Variants in GALNTL6 observed in about 807,000 individuals in gnomAD.
GALNTL6 encodes the protein polypeptide N-acetylgalactosaminyltransferase-like 6.
In GALNTL6, 46 loss-of-function variants were observed where a neutral mutation model predicts 73.7. That is an observed-to-expected ratio of 0.62 (90% CI 0.49 to 0.80). The LOEUF (loss-of-function observed/expected upper bound fraction) is 0.80. GALNTL6 is among the 30% of genes least tolerant of loss of function. GALNTL6 has a pLI of 0.00. For synonymous variants in GALNTL6, 259 were observed against 263.7 expected (o/e 0.98, Z 0.17); for missense variants, 604 against 755.0 (o/e 0.80, Z 2.34).
chr4:172,651,780 C>A (rs541191263), intron 5 of GALNTL6, among the ~76,000 whole-genome samples: 77 of 152,278 alleles, frequency 5.1e-4, no homozygotes, highest in African/African-American at 1.8e-3. Flanking sequence ...AGCTACAACA[C>A]AGAAAGTAAA....
At chr4:172,135,064 AT>A (rs1470655514) in intron 2 of GALNTL6, among the ~76,000 whole-genome samples, 1 of 152,156 alleles carries the variant, frequency 6.6e-6, no homozygotes, top group Non-Finnish European at 1.5e-5. Flanking sequence ...ACTCTTTCAA[AT>A]TTACCATCCA....
At chr4:171,909,909 C>T (rs1446877880) in intron 2 of GALNTL6, among the ~76,000 whole-genome samples, 4 of 152,002 alleles carry the variant, frequency 2.6e-5, no homozygotes, top group South Asian at 2.1e-4. Flanking sequence ...AGACAAACAA[C>T]GTGACTATTT....
chr4:171,928,721 CA>C (rs964733563), intron 2 of GALNTL6, among the ~76,000 whole-genome samples: 88 of 152,296 alleles, frequency 5.8e-4, no homozygotes, highest in African/African-American at 1.9e-3. Flanking sequence ...TAGGTTTAGA[CA>C]GGCAAATAGC....
At position 172,952,213 on chromosome 4, in the gene GALNTL6, T is replaced by G. The variant is rs1277573548; in HGVS notation, c.1326T>G (p.Pro442=). The G allele has an allele frequency of 1.2e-6, 2 of 1,613,932 alleles. No individual in the cohort carries two copies. The highest frequency in any genetic ancestry group is 1.7e-5 in the Admixed American group (1 of 59,992). Residue 442 remains proline (P), a synonymous_variant, in exon 10 of 13, where the codon CCT becomes CCG. Transcript: ENST00000506823. ...WFMAAVAWDV[P]KYYPPVEPPP... is the part of the protein sequence containing the mutation. ...TGGCTGCTGTGGCCTGGGACGTGCCTAAATACTACCCTCCAGTGGAGCCCC... is the reference window on the plus strand; with the variant it reads ...TGGCTGCTGTGGCCTGGGACGTGCCGAAATACTACCCTCCAGTGGAGCCCC...
intron 5 of GALNTL6, among the ~76,000 whole-genome samples, chr4:172,526,705 T>C (rs973398727): frequency 2.0e-5 from 3 of 152,184 alleles, no homozygotes; most frequent in African/African-American, 7.2e-5. Context: ...TGTTATGTAA[T>C]GTTATTAATC....
intron 5 of GALNTL6, among the ~76,000 whole-genome samples, chr4:172,683,638 T>C (rs1732756974): frequency 6.6e-6 from 1 of 152,156 alleles, no homozygotes; most frequent in African/African-American, 2.4e-5. Context: ...ACATAACAAC[T>C]TACAGCTAAC....
chr4:171,825,310 C>T (rs1440741671), intron 2 of GALNTL6, among the ~76,000 whole-genome samples: 1 of 152,094 alleles, frequency 6.6e-6, no homozygotes, highest in African/African-American at 2.4e-5. Context: ...ACGCCCTCTT[C>T]TAGTGCTTCC....
At chr4:172,026,995 T>G (rs1192659392) in intron 2 of GALNTL6, among the ~76,000 whole-genome samples, 2 of 152,004 alleles carry the variant, frequency 1.3e-5, no homozygotes, top group African/African-American at 4.8e-5. Context: ...GCTCAAGTGA[T>G]CTTTCCACCT....
intron 5 of GALNTL6, among the ~76,000 whole-genome samples, chr4:172,366,488 T>C (rs1742565487): frequency 6.6e-6 from 1 of 152,194 alleles, no homozygotes; most frequent in Non-Finnish European, 1.5e-5. Flanking sequence ...GTCACCTTCA[T>C]ATGTTGCCTG....
At chr4:172,537,717 T>A (rs910287993) in intron 5 of GALNTL6, among the ~76,000 whole-genome samples, 1 of 151,824 alleles carries the variant, frequency 6.6e-6, no homozygotes, top group African/African-American at 2.4e-5. Flanking sequence ...CATAGAAGAG[T>A]TCTAAAAAAA....
At chr4:172,794,515 A>G (rs1291629734) in intron 5 of GALNTL6, among the ~76,000 whole-genome samples, 1 of 152,206 alleles carries the variant, frequency 6.6e-6, no homozygotes, top group African/African-American at 2.4e-5. Context: ...AAAAAGACCT[A>G]TTAGATCATT....
intron 5 of GALNTL6, among the ~76,000 whole-genome samples, chr4:172,770,068 A>C (rs1388724806): frequency 6.6e-6 from 1 of 152,152 alleles, no homozygotes; most frequent in African/African-American, 2.4e-5. Flanking sequence ...GTTCGAAACC[A>C]GCCTGACCAA....
chr4:171,844,128 A>G (rs1405253236), intron 2 of GALNTL6, among the ~76,000 whole-genome samples: 1 of 152,144 alleles, frequency 6.6e-6, no homozygotes, highest in East Asian at 1.9e-4. Flanking sequence ...GTTCATTAAT[A>G]TTTCTTAATG....
At chr4:172,278,330 A>G (rs898936463) in intron 3 of GALNTL6, among the ~76,000 whole-genome samples, 4 of 152,138 alleles carry the variant, frequency 2.6e-5, no homozygotes, top group African/African-American at 9.7e-5. Context: ...TTTTCTTTGC[A>G]TCTCTGGCTA....
intron 9 of GALNTL6, among the ~76,000 whole-genome samples, chr4:172,932,073 C>A (rs1748370260): frequency 6.6e-6 from 1 of 152,156 alleles, no homozygotes; most frequent in African/African-American, 2.4e-5. Context: ...GAAATCAAAT[C>A]CTGAATTATT....
chr4:172,668,657 C>T (rs954059386), intron 5 of GALNTL6: 3 of 152,150 alleles, frequency 2.0e-5, no homozygotes, highest in African/African-American at 7.2e-5. Flanking sequence ...GCTTCACAAT[C>T]TATTGGCCTC....
chr4:172,685,952 A>C (rs1732892519), intron 5 of GALNTL6, among the ~76,000 whole-genome samples: 1 of 152,144 alleles, frequency 6.6e-6, no homozygotes, highest in East Asian at 1.9e-4. Flanking sequence ...TAGATATTAA[A>C]CATAAGGATA....
chr4:173,031,862 T>C (rs1753474021), intron 12 of GALNTL6, among the ~76,000 whole-genome samples: 1 of 152,050 alleles, frequency 6.6e-6, no homozygotes, highest in African/African-American at 2.4e-5. Context: ...GTGTACAGGA[T>C]AATATGAGAA....
intron 2 of GALNTL6, among the ~76,000 whole-genome samples, chr4:171,964,790 T>C (rs1446419614): frequency 6.6e-6 from 1 of 152,232 alleles, no homozygotes; most frequent in Non-Finnish European, 1.5e-5. Flanking sequence ...GTACTGTCTG[T>C]TCTGGCGGTC....
Sources: gnomAD v4.1 joint callset for allele counts (sites outside exome capture counted in the v4.1 genomes callset) on GRCh38, gnomAD v4.1.1 for gene constraint, MANE v1.5 for transcripts, NCBI Gene and HGNC (gene_info 2026-07-23, HGNC 2026-07-21) for gene names.